The following ADAMTS12 variants were observed in gnomAD, a reference collection of about 807,000 sequenced individuals.
ADAMTS12 encodes A disintegrin and metalloproteinase with thrombospondin motifs 12.
A neutral mutation model predicts 167.8 loss-of-function variants in ADAMTS12; 118 were observed. That is an observed-to-expected ratio of 0.70 (90% CI 0.61 to 0.82). ADAMTS12 has a LOEUF of 0.82. Ranked by LOEUF, ADAMTS12 falls within the 40% of genes least tolerant of loss-of-function variation. The pLI is 0.00. For synonymous variants in ADAMTS12, 704 were observed against 716.9 expected (o/e 0.98, Z 0.29); for missense variants, 1,916 against 1,998.8 (o/e 0.96, Z 0.79).
chr5:33,675,282 G>A (rs1275894532), intron 5 of ADAMTS12, among the ~76,000 whole-genome samples: 2 of 152,186 alleles, frequency 1.3e-5, no homozygotes, highest in South Asian at 2.1e-4. Flanking sequence ...TGAGAACCAC[G>A]TTAAGGTTGG....
intron 2 of ADAMTS12, among the ~76,000 whole-genome samples, chr5:33,860,484 A>C (rs1749568615): frequency 6.6e-6 from 1 of 152,220 alleles, no homozygotes; most frequent in Non-Finnish European, 1.5e-5. Flanking sequence ...GAAAAGAATG[A>C]ACAAAGCCTC....
At chr5:33,835,614 G>A (rs552458712) in intron 2 of ADAMTS12, among the ~76,000 whole-genome samples, 8 of 152,140 alleles carry the variant, frequency 5.3e-5, no homozygotes, top group African/African-American at 7.2e-5. Flanking sequence ...AGCTCGCTGC[G>A]GCCTCTTTTA....
intron 15 of ADAMTS12, among the ~76,000 whole-genome samples, chr5:33,615,155 C>CT (rs961630073): frequency 6.6e-6 from 1 of 152,160 alleles, no homozygotes; most frequent in African/African-American, 2.4e-5. Flanking sequence ...TGTGTTAATC[C>CT]TTGCCTGTGT....
chr5:33,889,128 C>T (rs998663941), intron 1 of ADAMTS12, among the ~76,000 whole-genome samples: 3 of 152,046 alleles, frequency 2.0e-5, no homozygotes, highest in Non-Finnish European at 4.4e-5. Context: ...AACTGATGCC[C>T]TAGACCTCCC....
intron 12 of ADAMTS12, among the ~76,000 whole-genome samples, chr5:33,636,982 A>C (rs550354341): frequency 6.6e-6 from 1 of 152,162 alleles, no homozygotes; most frequent in Non-Finnish European, 1.5e-5. Flanking sequence ...ACTCCAGTAC[A>C]TATAAAATGT....
In ADAMTS12 at chr5:33,534,294, A is replaced by G. The variant is rs1744261265; in HGVS notation, c.4606+539T>C. Among the ~76,000 whole-genome samples, 4 of 140,814 alleles carry G rather than the reference A, an allele frequency of 2.8e-5. No homozygotes were observed. The Admixed American group carries it at 2.9e-4, about 10-fold the overall frequency. 92.4% of individuals were successfully genotyped at this position (140,814 alleles called of 152,430 possible). A position where few individuals can be genotyped will look rare whatever the true frequency, so the allele number is the denominator to read the frequency against. Reference sequence around the variant, plus strand: ...TGAAGCTAGGACTCAGGTTCCTGAGAAGGCACCCTGGCTGTGTCTCCTCGT... The same window carrying G: ...TGAAGCTAGGACTCAGGTTCCTGAGGAGGCACCCTGGCTGTGTCTCCTCGT... On this transcript the variant is annotated intron_variant, in intron 23 of 23. Transcript: ENST00000504830.
At chr5:33,643,092 A>C (rs1169192410) in intron 10 of ADAMTS12, among the ~76,000 whole-genome samples, 3 of 152,242 alleles carry the variant, frequency 2.0e-5, no homozygotes, top group Non-Finnish European at 4.4e-5. Flanking sequence ...AGCTTAGGAA[A>C]TGTTGACCAC....
chr5:33,709,332 A>T (rs1190261766), intron 3 of ADAMTS12, among the ~76,000 whole-genome samples: 2 of 152,234 alleles, frequency 1.3e-5, no homozygotes, highest in African/African-American at 4.8e-5. Context: ...ATACCATTTG[A>T]CTGAGCAATC....
chr5:33,664,659 A>G (rs942617215), intron 5 of ADAMTS12, among the ~76,000 whole-genome samples: 3 of 152,128 alleles, frequency 2.0e-5, no homozygotes, highest in Admixed American at 2.0e-4. Flanking sequence ...TAAGATTTGG[A>G]GAGGTTGTGG....
rs576048123 is a variant in ADAMTS12 at position 33,819,594 on chromosome 5, C to T, written c.489+61525G>A. 1.2e-4 allele frequency among the ~76,000 whole-genome samples: 18 copies of T among 152,132 alleles called. No individual in the cohort carries two copies. The South Asian group carries it at 3.3e-3, about 28-fold the overall frequency. On this transcript the variant is annotated intron_variant, in intron 2 of 23. Coordinates refer to ENST00000504830, the MANE Select transcript of ADAMTS12 (RefSeq NM_030955.4). The stretch of plus-strand genomic sequence containing the variant: ...TTTTTGTTTTTTGCATGGTTCTATA[C>T]AAATTTTAGGATTCTTTTTCTAGTT...
chr5:33,691,846 C>T (rs1049063792), intron 3 of ADAMTS12, among the ~76,000 whole-genome samples: 1 of 152,176 alleles, frequency 6.6e-6, no homozygotes, highest in Non-Finnish European at 1.5e-5. Context: ...GCTTAAGAGG[C>T]TTTTCTTAAT....
intron 22 of ADAMTS12, among the ~76,000 whole-genome samples, chr5:33,540,811 C>T (rs547632611): frequency 2.5e-4 from 38 of 152,268 alleles, no homozygotes; most frequent in African/African-American, 8.2e-4. Context: ...GACATCTACA[C>T]CAAAAACCCC....
intron 3 of ADAMTS12, among the ~76,000 whole-genome samples, chr5:33,691,426 A>G (rs1301661486): frequency 1.3e-5 from 2 of 152,230 alleles, no homozygotes; most frequent in Non-Finnish European, 2.9e-5. Context: ...CTGTCATTCT[A>G]TGATGATCTA....
intron 10 of ADAMTS12, among the ~76,000 whole-genome samples, chr5:33,642,177 A>C (rs780174790): frequency 3.9e-5 from 6 of 152,226 alleles, no homozygotes; most frequent in Non-Finnish European, 7.3e-5. Flanking sequence ...TACGTTGCCT[A>C]ATCACACAGG....
In ADAMTS12 at chr5:33,577,056, C is replaced by T. The variant is rs747211534; in HGVS notation, c.2970G>A (p.Leu990=). ...TAGAAGGGCATTGCTGGAGGCCACA[C>T]AGAGCTCGGCTGTTGGGTTTCCTTG... ...DVTRKPNSRA[L]CGLQQCPSSR... The change falls in exon 19 of 24, where the codon CTG becomes CTA. Residue 990 remains leucine, a synonymous_variant. Coordinates refer to ENST00000504830, the MANE Select transcript of ADAMTS12 (RefSeq NM_030955.4). The T allele has an allele frequency of 1.2e-6, 2 of 1,614,196 alleles. No homozygotes were observed. The highest frequency in any genetic ancestry group is 1.7e-6 in the Non-Finnish European group (2 of 1,180,032).
intron 3 of ADAMTS12, 83 bp from the exon 4 acceptor site, chr5:33,684,138 A>G: frequency 9.5e-7 from 1 of 1,052,724 alleles, no homozygotes; most frequent in Non-Finnish European, 1.2e-6. Flanking sequence ...ATGCAAGGCC[A>G]TAAGTTTAAT....
At chr5:33,733,475 G>A (rs554908595) in intron 3 of ADAMTS12, among the ~76,000 whole-genome samples, 6 of 152,300 alleles carry the variant, frequency 3.9e-5, no homozygotes, top group Admixed American at 6.5e-5. Context: ...AGACAGCCAC[G>A]AATCTTAAGT....
intron 19 of ADAMTS12, among the ~76,000 whole-genome samples, chr5:33,569,158 T>A (rs1746173535): frequency 6.6e-6 from 1 of 152,240 alleles, no homozygotes; most frequent in South Asian, 2.1e-4. Flanking sequence ...GCTCCACTTC[T>A]GGGGGCAGGG....
chr5:33,610,200 A>G (rs554676489), intron 16 of ADAMTS12, among the ~76,000 whole-genome samples: 4 of 152,060 alleles, frequency 2.6e-5, no homozygotes, highest in African/African-American at 9.7e-5. Context: ...GAACAACAAC[A>G]GCAACAACAA....
Sources: gnomAD v4.1 joint callset for allele counts (sites outside exome capture counted in the v4.1 genomes callset) on GRCh38, gnomAD v4.1.1 for gene constraint, MANE v1.5 for transcripts, NCBI Gene and HGNC (gene_info 2026-07-23, HGNC 2026-07-21) for gene names.